The following RTL4 variants were observed in gnomAD, a reference collection of about 807,000 sequenced individuals.
The protein encoded by RTL4 is retrotransposon Gag-like protein 4.
Under a neutral mutation model 5.3 loss-of-function variants are expected in RTL4, and 4 were observed. The ratio of observed to expected loss-of-function variants is 0.75; its 90% CI spans 0.37 to 1.72. The LOEUF is 1.72. RTL4 is among the 40% of genes most tolerant of loss of function. RTL4 has a pLI of 0.04. For synonymous variants in RTL4, 98 were observed against 87.3 expected (o/e 1.12, Z -0.68); for missense variants, 260 against 227.1 (o/e 1.14, Z -0.93).
the RTL4 span, among the ~76,000 whole-genome samples, chrX:112,331,541 C>T: frequency 1.9e-5 from 2 of 103,807 alleles, no homozygotes; most frequent in Admixed American, 1.1e-4. Flanking sequence ...GAAATAGGAA[C>T]ACTTTTACAC....
At chrX:112,362,403 A>G in the RTL4 span, among the ~76,000 whole-genome samples, 1 of 111,901 alleles carries the variant, frequency 8.9e-6, no homozygotes, top group Non-Finnish European at 1.9e-5. Flanking sequence ...ATGTTAGAAA[A>G]TGGGCAGAAG....
chrX:112,371,663 C>T, the RTL4 span, among the ~76,000 whole-genome samples: 2 of 111,580 alleles, frequency 1.8e-5, no homozygotes, highest in South Asian at 7.3e-4. Context: ...CAGATATGTT[C>T]TATTTCTGTC....
At chrX:112,099,279 T>C in the RTL4 span, among the ~76,000 whole-genome samples, 4 of 111,972 alleles carry the variant, frequency 3.6e-5, no homozygotes, top group African/African-American at 1.3e-4. Flanking sequence ...GGGAAATAGA[T>C]GCTACGAAAG....
the RTL4 span, among the ~76,000 whole-genome samples, chrX:112,415,950 A>G: frequency 8.9e-6 from 1 of 111,902 alleles, no homozygotes; most frequent in African/African-American, 3.2e-5. Flanking sequence ...TGTGCAGCTT[A>G]AAACAACAGA....
At chrX:112,396,041 T>C in the RTL4 span, among the ~76,000 whole-genome samples, 1 of 111,467 alleles carries the variant, frequency 9.0e-6, no homozygotes, top group African/African-American at 3.3e-5. Flanking sequence ...TGACTCTATG[T>C]TATCAAATAG....
the RTL4 span, among the ~76,000 whole-genome samples, chrX:112,202,832 A>G: frequency 9.0e-6 from 1 of 110,945 alleles, no homozygotes; most frequent in Non-Finnish European, 1.9e-5. Context: ...AGTTTTATAA[A>G]AAAACTGTCA....
chrX:112,153,031 C>G, the RTL4 span, among the ~76,000 whole-genome samples: 813 of 111,772 alleles, frequency 7.3e-3, 1 homozygote, highest in Middle Eastern at 0.046. Context: ...GAAGTCCAAA[C>G]CATGGAAAAG....
the RTL4 span, among the ~76,000 whole-genome samples, chrX:112,121,841 T>C: frequency 9.0e-6 from 1 of 111,461 alleles, no homozygotes; most frequent in Non-Finnish European, 1.9e-5. Flanking sequence ...AATTAATACA[T>C]TAGAAAATCT....
At chrX:112,335,743 AT>A in the RTL4 span, among the ~76,000 whole-genome samples, 1 of 111,011 alleles carries the variant, frequency 9.0e-6, no homozygotes, top group African/African-American at 3.2e-5. Context: ...CAACTCATTA[AT>A]TTTTATGTTC....
the RTL4 span, among the ~76,000 whole-genome samples, chrX:112,228,209 A>T: frequency 8.1e-5 from 9 of 111,101 alleles, no homozygotes; most frequent in African/African-American, 2.6e-4. Flanking sequence ...ATAATAAAAA[A>T]AAAAAGTTAG....
chrX:112,423,899 C>G, the RTL4 span, among the ~76,000 whole-genome samples: 10 of 111,675 alleles, frequency 9.0e-5, no homozygotes, highest in African/African-American at 3.2e-4. Context: ...AACATCCTAC[C>G]TATCTAATAT....
At chrX:112,366,333 A>G in the RTL4 span, among the ~76,000 whole-genome samples, 1 of 111,712 alleles carries the variant, frequency 9.0e-6, no homozygotes, top group African/African-American at 3.2e-5. Context: ...AATCACCATC[A>G]TCACCATCAT....
the RTL4 span, among the ~76,000 whole-genome samples, chrX:112,230,920 A>G: frequency 8.9e-6 from 1 of 111,997 alleles, no homozygotes. Flanking sequence ...GAAGGATACG[A>G]ACAGACACTT....
chrX:112,267,504 A>G, the RTL4 span, among the ~76,000 whole-genome samples: 8 of 111,680 alleles, frequency 7.2e-5, no homozygotes, highest in South Asian at 2.3e-3. Context: ...TGTGATCTCC[A>G]TGGCTCAGTC....
chrX:112,267,235 G>A, the RTL4 span, among the ~76,000 whole-genome samples: 1 of 111,866 alleles, frequency 8.9e-6, no homozygotes, highest in Non-Finnish European at 1.9e-5. Flanking sequence ...CTCAAATCAG[G>A]CTTTTGCCTC....
At chrX:112,445,626 T>G in the RTL4 span, among the ~76,000 whole-genome samples, 1 of 111,652 alleles carries the variant, frequency 9.0e-6, no homozygotes, top group Non-Finnish European at 1.9e-5. Flanking sequence ...TATCTCGGAC[T>G]AATAAAATGA....
chrX:112,236,563 T>C, the RTL4 span, among the ~76,000 whole-genome samples: 10 of 100,924 alleles, frequency 9.9e-5, no homozygotes, highest in Admixed American at 2.2e-4. Context: ...TGAATATATA[T>C]ATAGTCAAAC....
chrX:112,249,792 TAG>T, the RTL4 span, among the ~76,000 whole-genome samples: 7 of 96,736 alleles, frequency 7.2e-5, no homozygotes, highest in Admixed American at 2.3e-4. Context: ...TATATATATA[TAG>T]AGAGAGAGAG....
chrX:112,404,214 C>T, the RTL4 span, among the ~76,000 whole-genome samples: 1 of 111,944 alleles, frequency 8.9e-6, no homozygotes, highest in Non-Finnish European at 1.9e-5. Context: ...GGATGAATTT[C>T]AGTTACTGTT....
Sources: gnomAD v4.1 joint callset for allele counts (sites outside exome capture counted in the v4.1 genomes callset) on GRCh38, gnomAD v4.1.1 for gene constraint, MANE v1.5 for transcripts, NCBI Gene and HGNC (gene_info 2026-07-23, HGNC 2026-07-21) for gene names.